Variants in NREP observed in about 807,000 individuals in gnomAD.
NREP encodes the protein neuronal regeneration-related protein.
A neutral mutation model predicts 8.6 loss-of-function variants in NREP; 5 were observed. The observed-to-expected ratio is 0.58, with a 90% confidence interval of 0.30 to 1.22. The LOEUF is 1.22. Ranked by LOEUF, NREP falls within the 50% of genes most tolerant of loss-of-function variation. The pLI is 0.07. For missense variants in NREP, 86 were observed against 82.5 expected (o/e 1.04, Z -0.17); for synonymous variants, 27 against 28.0 (o/e 0.96, Z 0.11).
intron 2 of NREP, among the ~76,000 whole-genome samples, chr5:111,780,463 G>A (rs1290162502): frequency 6.6e-6 from 1 of 152,050 alleles, no homozygotes; most frequent in African/African-American, 2.4e-5. Context: ...TAAATTAGGG[G>A]TTTTCAATAT....
intron 2 of NREP, among the ~76,000 whole-genome samples, chr5:111,791,355 C>A (rs558886493): frequency 6.6e-6 from 1 of 152,194 alleles, no homozygotes; most frequent in Non-Finnish European, 1.5e-5. Flanking sequence ...TGACCAACAT[C>A]TCCCCAGTCC....
chr5:111,730,817 T>G lies in NREP; in HGVS notation c.*104A>C, dbSNP rs530012621. The G allele has an allele frequency of 9.0e-6, 12 of 1,326,376 alleles. 1 individual carries two copies. In the South Asian group the frequency reaches 1.7e-4, roughly 19 times the overall value. 82.2% of individuals were successfully genotyped at this position (1,326,376 alleles called of 1,614,324 possible). On this transcript the variant is annotated 3_prime_UTR_variant, in exon 4 of 4. Transcript: ENST00000257435. Reference sequence around the variant, plus strand: ...AAAGCAAGGCTCAGAGTCCCATAGTTTCTTCTTATACTTGATGATTTACAC... The same window carrying G: ...AAAGCAAGGCTCAGAGTCCCATAGTGTCTTCTTATACTTGATGATTTACAC...
intron 2 of NREP, among the ~76,000 whole-genome samples, chr5:111,822,438 G>A (rs879870068): frequency 6.6e-6 from 1 of 152,180 alleles, no homozygotes; most frequent in Non-Finnish European, 1.5e-5. Flanking sequence ...TTCAAAAGAG[G>A]AGAGACCTCG....
chr5:111,839,044 C>T (rs1040364960), intron 2 of NREP, among the ~76,000 whole-genome samples: 14 of 151,926 alleles, frequency 9.2e-5, no homozygotes, highest in Non-Finnish European at 1.3e-4. Flanking sequence ...GATGTCATGA[C>T]GTTTCTAGAT....
chr5:111,906,332 T>G (rs1754777642), intron 2 of NREP, among the ~76,000 whole-genome samples: 1 of 152,120 alleles, frequency 6.6e-6, no homozygotes, highest in South Asian at 2.1e-4. Context: ...GATAAATTTT[T>G]TTTGGATTTT....
intron 2 of NREP, among the ~76,000 whole-genome samples, chr5:111,917,107 G>A (rs1171377844): frequency 2.6e-5 from 4 of 152,068 alleles, no homozygotes; most frequent in African/African-American, 7.2e-5. Context: ...TCCTTAGGGT[G>A]GGCTTCCCGC....
rs923289798 is a variant in NREP at position 111,773,699 on chromosome 5, A to T, written c.136-38192T>A. Among the ~76,000 whole-genome samples, 52 of 152,218 alleles carry T rather than the reference A, an allele frequency of 3.4e-4. 1 individual carries two copies. Among genetic ancestry groups the T allele is most frequent in the Non-Finnish European group, 1.3e-4 (9 of 68,034 alleles). On this transcript the variant is annotated intron_variant, in intron 2 of 3. Coordinates refer to the NREP transcript ENST00000395634. ...CCAAAATTAAGGTTTGAGATCATCT[A>T]AAGTTTTCCTTTACTAAAGTGGGTT...
chr5:111,799,454 T>G (rs1677316), intron 2 of NREP, among the ~76,000 whole-genome samples: 1 of 152,292 alleles, frequency 6.6e-6, no homozygotes, highest in South Asian at 2.1e-4. Flanking sequence ...TAAATCCCAT[T>G]TGTGGTTAAC....
chr5:111,853,675 TTTC>T (rs956979202), intron 2 of NREP, among the ~76,000 whole-genome samples: 1 of 152,096 alleles, frequency 6.6e-6, no homozygotes, highest in African/African-American at 2.4e-5. Flanking sequence ...TCTCTTTTTC[TTTC>T]TTCTTTTTTT....
chr5:111,927,158 C>A (rs1386072217), intron 2 of NREP, among the ~76,000 whole-genome samples: 1 of 152,066 alleles, frequency 6.6e-6, no homozygotes, highest in Non-Finnish European at 1.5e-5. Context: ...GGTCACCTGA[C>A]ATTCCTGGTG....
In NREP at chr5:111,792,025, A is replaced by G. The variant is rs146641211; in HGVS notation, c.136-56518T>C. ...AACAAAGGAAACACTATATAGTTAT[A>G]AACTATCATCAGTGTTGTTATTATC... is the stretch of plus-strand genomic sequence containing the variant. On this transcript the variant is annotated intron_variant, in intron 2 of 3. Coordinates refer to the NREP transcript ENST00000395634. Among the ~76,000 whole-genome samples the G allele has an allele frequency of 7.1e-3, 1,082 of 152,310 alleles. 9 individuals carry two copies. The highest frequency in any genetic ancestry group is 0.025 in the African/African-American group (1,045 of 41,570).
At chr5:111,931,160 T>G (rs187847964) in intron 2 of NREP, among the ~76,000 whole-genome samples, 81 of 152,212 alleles carry the variant, frequency 5.3e-4, no homozygotes, top group African/African-American at 1.7e-3. Context: ...TTTTAAAATA[T>G]GTCCACAATT....
chr5:111,888,729 C>T (rs1402818886), intron 2 of NREP, among the ~76,000 whole-genome samples: 1 of 152,192 alleles, frequency 6.6e-6, no homozygotes, highest in African/African-American at 2.4e-5. Context: ...GTCTTTCTCT[C>T]CTACTTCTCC....
intron 2 of NREP, among the ~76,000 whole-genome samples, chr5:111,850,472 TCTC>T (rs1753281149): frequency 6.6e-6 from 1 of 152,156 alleles, no homozygotes; most frequent in African/African-American, 2.4e-5. Flanking sequence ...GTCATTTTCT[TCTC>T]CTCACCCACA....
intron 2 of NREP, among the ~76,000 whole-genome samples, chr5:111,774,934 T>C (rs1030276487): frequency 6.6e-6 from 1 of 152,160 alleles, no homozygotes; most frequent in East Asian, 1.9e-4. Context: ...AAGAGAAAAC[T>C]GATACAAATA....
At chr5:111,933,745 G>A (rs561160929) in intron 2 of NREP, among the ~76,000 whole-genome samples, 1 of 152,018 alleles carries the variant, frequency 6.6e-6, no homozygotes. Flanking sequence ...TTCTATGAAC[G>A]AAAGAATACC....
intron 2 of NREP, among the ~76,000 whole-genome samples, chr5:111,834,890 T>C (rs1752857290): frequency 6.6e-6 from 1 of 152,176 alleles, no homozygotes; most frequent in Non-Finnish European, 1.5e-5. Context: ...ATGTTTGCTT[T>C]AGCAGGAGGT....
At chr5:111,789,184 CAT>C (rs901341022) in intron 2 of NREP, among the ~76,000 whole-genome samples, 4 of 152,230 alleles carry the variant, frequency 2.6e-5, no homozygotes, top group Admixed American at 1.3e-4. Context: ...CCTGTGTATG[CAT>C]GTGTGTGTGT....
upstream of NREP, chr5:111,758,117 C>G (rs909109146): frequency 2.0e-6 from 2 of 985,376 alleles, no homozygotes; most frequent in African/African-American, 3.5e-5. Context: ...GGGTCGGACC[C>G]TGCCCCTCAG....
Sources: allele counts gnomAD v4.1 joint callset (sites outside exome capture counted in the v4.1 genomes callset), GRCh38; gene constraint gnomAD v4.1.1; transcripts MANE v1.5; gene names NCBI Gene and HGNC (gene_info 2026-07-23, HGNC 2026-07-21).